Variants in R3HDM2 observed in about 807,000 individuals in gnomAD.
R3HDM2 encodes the protein R3H domain-containing protein 2.
A neutral mutation model predicts 124.5 loss-of-function variants in R3HDM2; 38 were observed. That is an observed-to-expected ratio of 0.31 (90% CI 0.24 to 0.40). The LOEUF (loss-of-function observed/expected upper bound fraction) is 0.40, where lower values mean the gene tolerates loss of function less well. Among genes scored for constraint, R3HDM2 ranks in the 10% least tolerant of loss-of-function variants. The probability of loss-of-function intolerance (pLI) is 1.00; values close to 1 mark genes in which losing one functional copy is unlikely to be tolerated. For missense variants in R3HDM2, 869 were observed against 1,236.9 expected (o/e 0.70, Z 4.46); for synonymous variants, 391 against 448.0 (o/e 0.87, Z 1.61).
chr12:57,429,354 CTG>C (rs1869009938), intron 1 of R3HDM2, among the ~76,000 whole-genome samples: 1 of 152,238 alleles, frequency 6.6e-6, no homozygotes, highest in South Asian at 2.1e-4. Flanking sequence ...TCTCAACTCT[CTG>C]GAGAACAGCA....
intron 11 of R3HDM2, among the ~76,000 whole-genome samples, 165 bp from the exon 12 acceptor site, chr12:57,289,205 A>C (rs1184181468): frequency 1.3e-5 from 2 of 152,204 alleles, no homozygotes; most frequent in Non-Finnish European, 2.9e-5. Flanking sequence ...CCGCATACCC[A>C]ATCTGACTTC....
intron 19 of R3HDM2, among the ~76,000 whole-genome samples, chr12:57,262,402 A>G (rs1336384442): frequency 6.6e-5 from 10 of 152,184 alleles, no homozygotes; most frequent in Admixed American, 6.5e-4. Flanking sequence ...TCTTCCCCAG[A>G]CAAGCACCCC....
At chr12:57,375,335 C>G (rs897914295) in intron 2 of R3HDM2, among the ~76,000 whole-genome samples, 1 of 152,090 alleles carries the variant, frequency 6.6e-6, no homozygotes, top group African/African-American at 2.4e-5. Flanking sequence ...TCCTTTTATA[C>G]ATTACTTTAT....
chr12:57,262,576 A>G (rs1190127465), intron 19 of R3HDM2, among the ~76,000 whole-genome samples: 2 of 152,224 alleles, frequency 1.3e-5, no homozygotes, highest in African/African-American at 4.8e-5. Context: ...TGTTCCAGGA[A>G]CAGCTAATCC....
At chr12:57,277,115 A>G (rs2044996261) in intron 14 of R3HDM2, among the ~76,000 whole-genome samples, 1 of 151,732 alleles carries the variant, frequency 6.6e-6, no homozygotes, top group Admixed American at 6.6e-5. Context: ...AAAAAAAAAA[A>G]AAGACTGCCC....
chr12:57,278,374 C>A (rs1325011768), intron 14 of R3HDM2, among the ~76,000 whole-genome samples: 1 of 152,086 alleles, frequency 6.6e-6, no homozygotes, highest in Non-Finnish European at 1.5e-5. Flanking sequence ...TCTCTTTATT[C>A]CTCTCCCACT....
At chr12:57,369,141 T>C (rs2063014454) in intron 2 of R3HDM2, among the ~76,000 whole-genome samples, 1 of 152,184 alleles carries the variant, frequency 6.6e-6, no homozygotes, top group Non-Finnish European at 1.5e-5. Context: ...TTCCAACCCC[T>C]ACCCCAGCAT....
At position 57,300,077 on chromosome 12, in the gene R3HDM2, C is replaced by G; in HGVS notation, c.294+18G>C. ...CTGCCAAGCGCAAAAGCTACACTTA[C>G]TCCTGCAAATGACCTACCTGGGTTT... On this transcript the variant is annotated intron_variant, in intron 5 of 23. Transcript: ENST00000402412. 1 of 1,538,108 alleles carries G rather than the reference C, an allele frequency of 6.5e-7. No individual in the cohort carries two copies. The highest frequency in any genetic ancestry group is 8.8e-7 in the Non-Finnish European group (1 of 1,134,700).
chr12:57,271,926 C>G (rs1053850878), intron 14 of R3HDM2, among the ~76,000 whole-genome samples: 3 of 149,524 alleles, frequency 2.0e-5, no homozygotes, highest in African/African-American at 7.4e-5. Flanking sequence ...GAGTCTTGCT[C>G]TGTTGTCCAG....
Position 57,296,691 on chromosome 12 carries a change from T to C in R3HDM2, c.561-140A>G. On this transcript the variant is annotated intron_variant, in intron 8 of 23. Coordinates refer to ENST00000402412, the MANE Select transcript of R3HDM2 (RefSeq NM_001394031.1). This position sits in a 1 kb window ranked among gnomAD's most constrained non-coding sequence, Gnocchi z 4.5. ...TATTATAAGGAATATAGATATTTAC[T>C]AAATGGGAACCAAATAGGTTTTTCT... 1.1e-6 allele frequency: 1 copy of C among 883,394 alleles called. No individual in the cohort carries two copies. The highest frequency in any genetic ancestry group is 1.7e-6 in the Non-Finnish European group (1 of 597,252). The allele number at this position is 883,394 out of a possible 1,614,324, so 54.7% of individuals were successfully genotyped here.
At chr12:57,364,523 T>C (rs1444328048) in intron 2 of R3HDM2, among the ~76,000 whole-genome samples, 1 of 152,050 alleles carries the variant, frequency 6.6e-6, no homozygotes, top group Non-Finnish European at 1.5e-5. Context: ...GATCAAGGTG[T>C]TCACAGATTT....
rs751961050 is a variant in R3HDM2, at chr12:57,280,421, TTGCTGCTGCTGC to T, written c.1269_1280del (p.Gln424_Gln427del). On this transcript the variant is annotated inframe_deletion, in exon 14 of 24. Coordinates refer to ENST00000402412, the MANE Select transcript of R3HDM2 (RefSeq NM_001394031.1). ...GAGGCGTGGGTGGGAGAGCAGGAAG[TTGCTGCTGCTGC>T]TGCTGCTGTTGCTGCTGGGCAGTAC... 7 of 1,612,674 alleles carry T rather than the reference TTGCTGCTGCTGC, an allele frequency of 4.3e-6. No homozygotes were observed. The highest frequency in any genetic ancestry group is 1.7e-5 in the Admixed American group (1 of 59,916).
chr12:57,310,019 C>T (rs759478682), intron 3 of R3HDM2, among the ~76,000 whole-genome samples: 2 of 152,162 alleles, frequency 1.3e-5, no homozygotes, highest in Admixed American at 6.5e-5. Flanking sequence ...TGAGACCAGC[C>T]TGGGCAACAT....
intron 1 of R3HDM2, among the ~76,000 whole-genome samples, chr12:57,422,223 A>G (rs922440240): frequency 1.1e-4 from 17 of 151,596 alleles, no homozygotes; most frequent in Non-Finnish European, 2.2e-4. Context: ...ATTCCAGTCT[A>G]TTTTCCAATC....
intron 2 of R3HDM2, among the ~76,000 whole-genome samples, chr12:57,311,374 C>T (rs986742667): frequency 1.6e-5 from 2 of 127,320 alleles, no homozygotes; most frequent in Middle Eastern, 7.7e-3. Context: ...TACAGGTGCC[C>T]GCCACCACGC....
chr12:57,256,822 C>CTCTCTT (rs56243039), intron 21 of R3HDM2, among the ~76,000 whole-genome samples: 1 of 141,188 alleles, frequency 7.1e-6, no homozygotes, highest in Non-Finnish European at 1.6e-5. Context: ...TTTTATCTCT[C>CTCTCTT]TTTTTTTTTT....
Position 57,296,586 on chromosome 12 carries a change from G to C in R3HDM2, c.561-35C>G. ...AACCCGGGGAAAAAAAGTGAAATAA[G>C]ACAAACAACTGCAATAACAACCAAT... On this transcript the variant is annotated intron_variant, in intron 8 of 23. Transcript: ENST00000402412. The surrounding 1 kb of genome is among the most constrained non-coding windows in gnomAD (Gnocchi z 4.5). The C allele has an allele frequency of 6.5e-7, 1 of 1,540,968 alleles. No individual in the cohort carries two copies. Among genetic ancestry groups the C allele is most frequent in the Non-Finnish European group, 8.8e-7 (1 of 1,140,486 alleles).
rs972583968 is a variant in R3HDM2, at chr12:57,288,782, C to G, written c.938+227G>C. Reference sequence around the variant, plus strand: ...AGCAGCCATGCATGGAGCAAACCCACTCTGCTGAAAAGATTACAGCAAAAC... The same window carrying G: ...AGCAGCCATGCATGGAGCAAACCCAGTCTGCTGAAAAGATTACAGCAAAAC... On this transcript the variant is annotated intron_variant, in intron 12 of 23. Transcript: ENST00000402412. 5 of 1,304,314 alleles carry G rather than the reference C, an allele frequency of 3.8e-6. No homozygotes were observed. In the African/African-American group the frequency reaches 7.4e-5, roughly 19 times the overall value. 80.8% of individuals were successfully genotyped at this position (1,304,314 alleles called of 1,614,324 possible). A position where few individuals can be genotyped will look rare whatever the true frequency, so the allele number is the denominator to read the frequency against.
At chr12:57,428,195 C>T (rs1420644896) in intron 1 of R3HDM2, among the ~76,000 whole-genome samples, 1 of 151,714 alleles carries the variant, frequency 6.6e-6, no homozygotes, top group Non-Finnish European at 1.5e-5. Context: ...TCTTACACAG[C>T]TTTGTAAGAG....
Sources: gnomAD v4.1 joint callset for allele counts (sites outside exome capture counted in the v4.1 genomes callset) on GRCh38, gnomAD v4.1.1 for gene constraint, Gnocchi (gnomAD v3.1) non-coding constraint, MANE v1.5 for transcripts, NCBI Gene and HGNC (gene_info 2026-07-23, HGNC 2026-07-21) for gene names.